Variants in FGF12 observed in about 807,000 individuals in gnomAD.
FGF12 encodes the protein fibroblast growth factor 12B.
A neutral mutation model predicts 23.6 loss-of-function variants in FGF12; 14 were observed. The ratio of observed to expected loss-of-function variants is 0.59; its 90% CI spans 0.39 to 0.93. FGF12 has a LOEUF of 0.93. Among genes scored for constraint, FGF12 ranks in the 40% least tolerant of loss-of-function variants. FGF12 has a pLI of 0.00. For synonymous variants in FGF12, 62 were observed against 77.3 expected, an observed-to-expected ratio of 0.80 and a Z score of 1.04; for missense variants, 175 against 217.8, an observed-to-expected ratio of 0.80 and a Z score of 1.24.
chr3:192,470,501 G>A (rs148150984), intron 2 of FGF12, among the ~76,000 whole-genome samples: 32 of 152,266 alleles, frequency 2.1e-4, no homozygotes, highest in Non-Finnish European at 4.0e-4. Context: ...TGATTCTCCT[G>A]CCTCGGCCCC....
At chr3:192,181,362 C>G (rs907025268) in intron 4 of FGF12, among the ~76,000 whole-genome samples, 1 of 141,880 alleles carries the variant, frequency 7.0e-6, no homozygotes, top group Non-Finnish European at 1.5e-5. Flanking sequence ...CGCACACACA[C>G]AGACACACAC....
chr3:192,550,084 T>C (rs1173694504), intron 2 of FGF12, among the ~76,000 whole-genome samples: 7 of 151,840 alleles, frequency 4.6e-5, no homozygotes, highest in Non-Finnish European at 7.4e-5. Flanking sequence ...CACTTATATA[T>C]GTGTATATGT....
intron 4 of FGF12, among the ~76,000 whole-genome samples, chr3:192,274,234 G>A (rs2108631849): frequency 6.6e-6 from 1 of 152,228 alleles, no homozygotes; most frequent in African/African-American, 2.4e-5. Context: ...GTAGAGCAGA[G>A]TAAAAATTCC....
intron 4 of FGF12, among the ~76,000 whole-genome samples, chr3:192,323,233 G>A (rs1320004653): frequency 6.6e-6 from 1 of 152,048 alleles, no homozygotes; most frequent in East Asian, 1.9e-4. Flanking sequence ...CCAAAAGAAA[G>A]GAAATAGGTA....
intron 2 of FGF12, among the ~76,000 whole-genome samples, chr3:192,706,874 C>T (rs778721675): frequency 2.6e-5 from 4 of 152,084 alleles, no homozygotes; most frequent in Admixed American, 6.5e-5. Context: ...GATTCTAAGG[C>T]GACTTCACCA....
Position 192,514,557 on chromosome 3 carries a change from C to T in FGF12, c.14-154019G>A, listed in dbSNP as rs1724598371. On this transcript the variant is annotated intron_variant, in intron 2 of 5. Coordinates refer to ENST00000445105, the MANE Select transcript of FGF12 (RefSeq NM_004113.6). This position sits in a 1 kb window ranked among gnomAD's most constrained non-coding sequence, Gnocchi z 4.9. ...CCCCAGTCGGGAAACGCCTTCCCTC[C>T]GCCACAGGCAGCGCTGAATGAAGCA... The T allele has an allele frequency of 1.7e-5, 7 of 401,970 alleles. No homozygotes were observed. The highest frequency in any genetic ancestry group is 1.3e-3 in the Middle Eastern group (1 of 760). The allele number at this position is 401,970 out of a possible 1,614,324, so 24.9% of individuals were successfully genotyped here.
intron 2 of FGF12, among the ~76,000 whole-genome samples, chr3:192,712,066 C>A (rs1254560801): frequency 6.6e-6 from 1 of 150,712 alleles, no homozygotes; most frequent in Non-Finnish European, 1.5e-5. Flanking sequence ...GACAAATAAG[C>A]CTCTTGGAAA....
chr3:192,685,829 T>C (rs191011894), intron 2 of FGF12, among the ~76,000 whole-genome samples: 1 of 152,262 alleles, frequency 6.6e-6, no homozygotes, highest in Admixed American at 6.5e-5. Context: ...ATCCTGACAA[T>C]AGTATTTTAA....
At chr3:192,286,793 C>T (rs186423871) in intron 4 of FGF12, among the ~76,000 whole-genome samples, 9 of 152,100 alleles carry the variant, frequency 5.9e-5, no homozygotes, top group African/African-American at 2.2e-4. Context: ...AATAACACAA[C>T]AGTTCCATGA....
intron 4 of FGF12, among the ~76,000 whole-genome samples, chr3:192,199,312 G>A (rs1446506571): frequency 6.6e-6 from 1 of 152,168 alleles, no homozygotes; most frequent in African/African-American, 2.4e-5. Flanking sequence ...TTGTGCTCCT[G>A]TTCAGTCTTT....
At chr3:192,260,529 G>A (rs560688703) in intron 4 of FGF12, among the ~76,000 whole-genome samples, 11 of 152,238 alleles carry the variant, frequency 7.2e-5, no homozygotes, top group Admixed American at 2.6e-4. Context: ...TACAACCCGC[G>A]TATTACACAA....
chr3:192,363,699 C>A (rs547780572), intron 2 of FGF12, among the ~76,000 whole-genome samples: 1 of 152,228 alleles, frequency 6.6e-6, no homozygotes, highest in South Asian at 2.1e-4. Flanking sequence ...CTCAACATCA[C>A]CTTCTCCATG....
intron 4 of FGF12, among the ~76,000 whole-genome samples, chr3:192,330,876 A>T (rs1717078820): frequency 6.6e-6 from 1 of 152,136 alleles, no homozygotes; most frequent in Non-Finnish European, 1.5e-5. Flanking sequence ...CAACTTTAAA[A>T]ATTCTATGTA....
chr3:192,533,617 G>A (rs972706454), intron 2 of FGF12, among the ~76,000 whole-genome samples: 3 of 152,146 alleles, frequency 2.0e-5, no homozygotes, highest in African/African-American at 7.2e-5. Context: ...GCCTGCACTT[G>A]CTTTACTTGG....
intron 2 of FGF12, among the ~76,000 whole-genome samples, chr3:192,664,148 C>T (rs1716768018): frequency 6.6e-6 from 1 of 152,132 alleles, no homozygotes; most frequent in Non-Finnish European, 1.5e-5. Flanking sequence ...TTGTAATATA[C>T]CTTAATATTT....
chr3:192,337,203 C>CTA lies in FGF12; in HGVS notation c.125-1741_125-1740dup, dbSNP rs931476286. On this transcript the variant is annotated intron_variant, in intron 3 of 5. Coordinates refer to ENST00000445105, the MANE Select transcript of FGF12 (RefSeq NM_004113.6). ...TATAATTAAATGTAATATATGCATT[C>CTA]TATATATATATTCCCTATGTTACAG... Among the ~76,000 whole-genome samples the CTA allele has an allele frequency of 5.9e-5, 9 of 151,946 alleles. No homozygotes were observed. The South Asian group carries it at 6.2e-4, about 11-fold the overall frequency.
intron 4 of FGF12, among the ~76,000 whole-genome samples, chr3:192,300,334 C>T (rs1715269871): frequency 6.6e-6 from 1 of 152,310 alleles, no homozygotes; most frequent in Middle Eastern, 3.4e-3. Context: ...CTGGACATAT[C>T]TGTCATTGAG....
chr3:192,682,585 G>C (rs1214869338), intron 2 of FGF12, among the ~76,000 whole-genome samples: 2 of 152,160 alleles, frequency 1.3e-5, no homozygotes, highest in African/African-American at 4.8e-5. Context: ...CATCCTCTGA[G>C]AATTACAGTG....
At chr3:192,234,710 T>C (rs1488473456) in intron 4 of FGF12, among the ~76,000 whole-genome samples, 1 of 152,166 alleles carries the variant, frequency 6.6e-6, no homozygotes, top group East Asian at 1.9e-4. Flanking sequence ...GGTATGGTCT[T>C]TCAATGGTTA....
Sources: gnomAD v4.1 joint callset for allele counts (sites outside exome capture counted in the v4.1 genomes callset) on GRCh38, gnomAD v4.1.1 for gene constraint, Gnocchi (gnomAD v3.1) non-coding constraint, MANE v1.5 for transcripts, NCBI Gene and HGNC (gene_info 2026-07-23, HGNC 2026-07-21) for gene names.